SLC4A1AP: variants seen among roughly 807,000 people sequenced by gnomAD.
SLC4A1AP encodes solute carrier family 4 member 1 adaptor protein.
SLC4A1AP carries 64 observed loss-of-function variants against 89.7 expected under a neutral mutation model. The observed-to-expected ratio is 0.71, with a 90% CI of 0.58 to 0.88. The LOEUF (loss-of-function observed/expected upper bound fraction) is 0.88. SLC4A1AP is among the 40% of genes least tolerant of loss of function. The probability of loss-of-function intolerance (pLI) is 0.00; values close to 1 mark genes in which losing one functional copy is unlikely to be tolerated. For synonymous variants in SLC4A1AP, 366 were observed against 353.3 expected, an observed-to-expected ratio of 1.04 and a Z score of -0.40; for missense variants, 931 against 965.0, an observed-to-expected ratio of 0.96 and a Z score of 0.47.
intron 8 of SLC4A1AP, among the ~76,000 whole-genome samples, chr2:27,679,458 C>T (rs761039159): frequency 6.6e-6 from 1 of 151,870 alleles, no homozygotes. Flanking sequence ...AAAAATTAGC[C>T]GGTTGTGGTG....
At chr2:27,665,352 C>T (rs1675297312) in intron 2 of SLC4A1AP, 57 bp downstream of exon 2, 4 of 1,414,196 alleles carry the variant, frequency 2.8e-6, no homozygotes, top group Admixed American at 4.7e-5. Context: ...ACAAGTGGTA[C>T]CCTTAAATGT....
exon 9 of SLC4A1AP, chr2:27,682,251 T>C: frequency 6.2e-7 from 1 of 1,607,628 alleles, no homozygotes; most frequent in Non-Finnish European, 8.5e-7. Flanking sequence ...TTCCTAGGAC[T>C]GAAACTCAGA....
chr2:27,664,008 C>T, exon 1 of SLC4A1AP: 1 of 1,614,210 alleles, frequency 6.2e-7, no homozygotes, highest in Non-Finnish European at 8.5e-7. Context: ...CCCAGCGGCG[C>T]GGAGTAAGGC....
chr2:27,677,856 G>C (rs1378134971), exon 8 of SLC4A1AP: 1 of 1,613,624 alleles, frequency 6.2e-7, no homozygotes, highest in South Asian at 1.1e-5. Flanking sequence ...TTGAACTGAG[G>C]AAAGAACAAC....
At chr2:27,667,777 T>C (rs1335675663) in intron 3 of SLC4A1AP, among the ~76,000 whole-genome samples, 2 of 151,948 alleles carry the variant, frequency 1.3e-5, no homozygotes, top group Non-Finnish European at 2.9e-5. Context: ...TTTTATATTA[T>C]ATGATTTAAA....
intron 12 of SLC4A1AP, among the ~76,000 whole-genome samples, chr2:27,690,180 G>T (rs1185168550): frequency 6.6e-6 from 1 of 152,098 alleles, no homozygotes. Context: ...TAGCTTTTGG[G>T]TTACAAATGG....
chr2:27,685,404 G>A, intron 10 of SLC4A1AP, 127 bp downstream of exon 10: 5 of 1,216,722 alleles, frequency 4.1e-6, no homozygotes, highest in Non-Finnish European at 5.5e-6. Flanking sequence ...TGACTCTGTA[G>A]CAAGGAAACA....
At chr2:27,688,900 C>A (rs796302739) in intron 12 of SLC4A1AP, 133 bp downstream of exon 12, 3 of 596,754 alleles carry the variant, frequency 5.0e-6, no homozygotes, top group African/African-American at 3.8e-5. Flanking sequence ...AATCTAGATT[C>A]TTTGATTTTT....
At chr2:27,687,348 C>T (rs116748915) in intron 10 of SLC4A1AP, among the ~76,000 whole-genome samples, 3,943 of 151,682 alleles carry the variant, frequency 0.026, 162 homozygotes, top group African/African-American at 0.091. Context: ...TTTGGGAGGC[C>T]GAAGTAGGAG....
At chr2:27,669,815 C>G (rs977039910) in intron 5 of SLC4A1AP, among the ~76,000 whole-genome samples, 1 of 152,124 alleles carries the variant, frequency 6.6e-6, no homozygotes, top group African/African-American at 2.4e-5. Context: ...CTCAGCTTCC[C>G]TAGTAGCTGG....
intron 2 of SLC4A1AP, 25 bp from the exon 3 acceptor site, chr2:27,667,243 T>C: frequency 6.3e-7 from 1 of 1,593,754 alleles, no homozygotes; most frequent in South Asian, 1.1e-5. Flanking sequence ...CTGATTATCT[T>C]TTCTTTCTTT....
chr2:27,687,856 C>CTTGTTT, intron 10 of SLC4A1AP, 78 bp from the exon 11 acceptor site: 1 of 1,076,912 alleles, frequency 9.3e-7, no homozygotes, highest in Non-Finnish European at 1.4e-6. Context: ...TTCTCTTTCT[C>CTTGTTT]TTGTTTTTGT....
chr2:27,670,535 C>T (rs976589203), intron 5 of SLC4A1AP, among the ~76,000 whole-genome samples: 5 of 151,974 alleles, frequency 3.3e-5, no homozygotes, highest in African/African-American at 1.2e-4. Flanking sequence ...TCAGTTTTTT[C>T]AGTTATTTAT....
chr2:27,693,696 A>G (rs751029947), exon 13 of SLC4A1AP: 4 of 1,607,380 alleles, frequency 2.5e-6, no homozygotes, highest in Non-Finnish European at 3.4e-6. Flanking sequence ...TTCCACCAAC[A>G]CTTTCTTCCA....
rs115415362 is a variant in SLC4A1AP, at chr2:27,665,273, G to A, written c.999G>A (p.Glu333=). ...TAAATGCTGGTAGCCAAGATGATGA[G>A]ATGGGTTGCACCTGGGGAATGGGTA... The change falls in exon 2 of 14, where the codon GAG becomes GAA. Residue 333 remains glutamate (E), a synonymous_variant. Coordinates refer to ENST00000613058, the Ensembl canonical transcript of SLC4A1AP. 900 of 1,611,074 alleles carry A rather than the reference G, an allele frequency of 5.6e-4. 12 individuals are homozygous for A. The African/African-American group carries it at 9.5e-3, about 17-fold the overall frequency.
chr2:27,682,600 C>T (rs1467242405), intron 9 of SLC4A1AP, among the ~76,000 whole-genome samples: 1 of 150,286 alleles, frequency 6.7e-6, no homozygotes, highest in Admixed American at 6.7e-5. Context: ...TCTCGGCTGA[C>T]TGCAACTTCC....
exon 12 of SLC4A1AP, chr2:27,688,709 A>G (rs1183008493): frequency 3.1e-6 from 5 of 1,599,334 alleles, no homozygotes; most frequent in Non-Finnish European, 4.3e-6. Context: ...GCATCAAAGA[A>G]TGAATATGAG....
intron 9 of SLC4A1AP, among the ~76,000 whole-genome samples, chr2:27,682,943 G>T (rs1675644888): frequency 6.6e-6 from 1 of 152,220 alleles, no homozygotes; most frequent in Admixed American, 6.5e-5. Context: ...TCTCATGAAT[G>T]TTGCATTTAA....
chr2:27,682,324 G>A, exon 9 of SLC4A1AP: 1 of 1,613,678 alleles, frequency 6.2e-7, no homozygotes, highest in Non-Finnish European at 8.5e-7. Context: ...CATGAAAGGA[G>A]GAAGCAAATT....
Sources: allele counts gnomAD v4.1 joint callset (sites outside exome capture counted in the v4.1 genomes callset), GRCh38; gene constraint gnomAD v4.1.1; transcripts MANE v1.5; gene names NCBI Gene and HGNC (gene_info 2026-07-23, HGNC 2026-07-21).